The following CFAP97D2 variants were observed in gnomAD, a reference collection of about 807,000 sequenced individuals.
CFAP97D2 encodes the protein uncharacterized protein CFAP97D2.
At position 114,211,682 on chromosome 13, in the gene CFAP97D2, G is replaced by A. The variant is rs928808142; in HGVS notation, c.291-230G>A. ...TGCTCACCCTGAAAACGCCCCTCCC[G>A]CCGTGCAAAGCGAGCGCGCCGGGGC... On this transcript the variant is annotated intron_variant, in intron 3 of 4. Transcript: ENST00000646158. The surrounding 1 kb of genome is among the most constrained non-coding windows in gnomAD (Gnocchi z 4.2). Among the ~76,000 whole-genome samples the A allele has an allele frequency of 3.9e-5, 6 of 152,158 alleles. No individual in the cohort carries two copies. Among genetic ancestry groups the A allele is most frequent in the Admixed American group, 1.3e-4 (2 of 15,278 alleles).
chr13:114,191,215 T>C (rs1411640921), intron 1 of CFAP97D2, among the ~76,000 whole-genome samples: 3 of 151,608 alleles, frequency 2.0e-5, no homozygotes, highest in Non-Finnish European at 2.9e-5. Context: ...TGGCAAGAAA[T>C]AGGTTTTTAG....
chr13:114,215,906 G>C (rs1265375426), intron 4 of CFAP97D2: 1 of 152,200 alleles, frequency 6.6e-6, no homozygotes, highest in African/African-American at 2.4e-5. Context: ...CTGTGGGCTG[G>C]GCTCAGGTAG....
At chr13:114,182,471 C>T (rs539529798) in intron 1 of CFAP97D2, among the ~76,000 whole-genome samples, 98 of 151,804 alleles carry the variant, frequency 6.5e-4, no homozygotes, top group Non-Finnish European at 1.1e-3. Context: ...TACTAATCCA[C>T]CTCAGCACAG....
chr13:114,191,227 C>A (rs1324204881), intron 1 of CFAP97D2, among the ~76,000 whole-genome samples: 1 of 151,928 alleles, frequency 6.6e-6, no homozygotes, highest in Non-Finnish European at 1.5e-5. Context: ...GGTTTTTAGA[C>A]ACAATGCCAA....
intron 4 of CFAP97D2, among the ~76,000 whole-genome samples, chr13:114,218,066 G>T (rs2081003868): frequency 6.6e-6 from 1 of 152,140 alleles, no homozygotes; most frequent in African/African-American, 2.4e-5. Flanking sequence ...TATTCAATTA[G>T]GAAAAGAGGA....
rs1185505017 is a variant in CFAP97D2, at chr13:114,187,601, A to G, written c.90+8181A>G. On this transcript the variant is annotated intron_variant, in intron 1 of 4. Transcript: ENST00000646158. The surrounding 1 kb of genome is among the most constrained non-coding windows in gnomAD (Gnocchi z 4.2). ...CAAGCACCTAACAATAGAATATCAA[A>G]CTACTTGAGATACTACAAGAAAAAA... Among the ~76,000 whole-genome samples the G allele has an allele frequency of 1.3e-5, 2 of 152,176 alleles. No individual in the cohort carries two copies. Among genetic ancestry groups the G allele is most frequent in the East Asian group, 3.9e-4 (2 of 5,194 alleles).
intron 3 of CFAP97D2, among the ~76,000 whole-genome samples, chr13:114,210,480 T>G (rs1479159247): frequency 6.6e-6 from 1 of 152,210 alleles, no homozygotes; most frequent in East Asian, 1.9e-4. Context: ...GCTTTTAACA[T>G]TAGCATCCTT....
Position 114,200,457 on chromosome 13 carries a change from T to A in CFAP97D2, c.290+14T>A, listed in dbSNP as rs1386333878. ...CAAGCACAGGAGGTAAGGGAGCGGC[T>A]CCTGCCATCCCACCCGGCTCAGCAC... On this transcript the variant is annotated intron_variant, in intron 3 of 4. Transcript: ENST00000646158. The A allele has an allele frequency of 2.5e-6, 1 of 398,438 alleles. No individual in the cohort carries two copies. The highest frequency in any genetic ancestry group is 4.4e-6 in the Non-Finnish European group (1 of 226,066). 24.7% of individuals were successfully genotyped at this position (398,438 alleles called of 1,614,324 possible). A position where few individuals can be genotyped will look rare whatever the true frequency, so the allele number is the denominator to read the frequency against.
In CFAP97D2 at chr13:114,206,208, T is replaced by G. The variant is rs184721958; in HGVS notation, c.291-5704T>G. On this transcript the variant is annotated intron_variant, in intron 3 of 4. Transcript: ENST00000646158. ...AACCTCCACCTCCCAGTTCAAGTGA[T>G]TCTCCTGCCTCAGCCTCCCGAGTAG... 2.8e-3 allele frequency among the ~76,000 whole-genome samples: 432 copies of G among 152,036 alleles called. 19 individuals are homozygous for G. The South Asian group carries it at 0.073, about 26-fold the overall frequency.
rs930511048 is a variant in CFAP97D2, at chr13:114,207,146, G to A, written c.291-4766G>A. Among the ~76,000 whole-genome samples the A allele has an allele frequency of 2.0e-5, 3 of 152,204 alleles. No individual in the cohort carries two copies. Among genetic ancestry groups the A allele is most frequent in the African/African-American group, 7.2e-5 (3 of 41,456 alleles). ...TGGGCAAGGCACAAGCTCAGCCTGA[G>A]CCCCATCTGCTCCCCTGCCGCTGCA... On this transcript the variant is annotated intron_variant, in intron 3 of 4. Transcript: ENST00000646158. The surrounding 1 kb of genome is among the most constrained non-coding windows in gnomAD (Gnocchi z 4.9).
At chr13:114,222,609 G>T, downstream of CFAP97D2, 2 of 398,264 alleles carry the variant, frequency 5.0e-6, no homozygotes, top group South Asian at 2.6e-4. This position sits in a 1 kb window ranked among gnomAD's most constrained non-coding sequence, Gnocchi z 4.4. Context: ...AGTGTGATGA[G>T]GGAGTCACAA....
upstream of CFAP97D2, chr13:114,179,316 G>A (rs1419045002): frequency 5.0e-6 from 2 of 398,758 alleles, no homozygotes; most frequent in Non-Finnish European, 4.4e-6. The surrounding 1 kb of genome is among the most constrained non-coding windows in gnomAD (Gnocchi z 4.8). Context: ...TGAGCAAGAC[G>A]ATTTTGTTGC....
rs2080926425 is a variant in CFAP97D2, at chr13:114,203,249, A to G, written c.290+2806A>G. Reference sequence around the variant, plus strand: ...CAGAATACAAGATCAATACACAAAAATCAATTGTGTTTTTATATACTTGCA... The same window carrying G: ...CAGAATACAAGATCAATACACAAAAGTCAATTGTGTTTTTATATACTTGCA... On this transcript the variant is annotated intron_variant, in intron 3 of 4. Transcript: ENST00000646158. This position sits in a 1 kb window ranked among gnomAD's most constrained non-coding sequence, Gnocchi z 4.3. Among the ~76,000 whole-genome samples, 1 of 152,218 alleles carries G rather than the reference A, an allele frequency of 6.6e-6. No individual in the cohort carries two copies. The highest frequency in any genetic ancestry group is 6.5e-5 in the Admixed American group (1 of 15,284).
chr13:114,202,066 G>A (rs1321321544), intron 3 of CFAP97D2, among the ~76,000 whole-genome samples: 1 of 152,180 alleles, frequency 6.6e-6, no homozygotes, highest in African/African-American at 2.4e-5. Context: ...TTCCCTATGG[G>A]TGCCTTTGCA....
intron 4 of CFAP97D2, among the ~76,000 whole-genome samples, chr13:114,220,562 A>G (rs2081016924): frequency 6.6e-6 from 1 of 152,186 alleles, no homozygotes; most frequent in Non-Finnish European, 1.5e-5. Flanking sequence ...ACCTGTTTCT[A>G]CTGAAGGATT....
intron 1 of CFAP97D2, among the ~76,000 whole-genome samples, chr13:114,181,212 C>T (rs932326638): frequency 2.0e-5 from 3 of 152,200 alleles, no homozygotes; most frequent in Non-Finnish European, 4.4e-5. Flanking sequence ...CTGGAAGTCA[C>T]ATATCGTAAG....
At chr13:114,181,868 C>T (rs927515638) in intron 1 of CFAP97D2, among the ~76,000 whole-genome samples, 7 of 152,106 alleles carry the variant, frequency 4.6e-5, no homozygotes, top group South Asian at 2.1e-4. Context: ...CTGCCCCCAG[C>T]GCTCCCCAAC....
intron 1 of CFAP97D2, among the ~76,000 whole-genome samples, chr13:114,184,389 C>G (rs2080847651): frequency 6.6e-6 from 1 of 152,174 alleles, no homozygotes; most frequent in Non-Finnish European, 1.5e-5. Context: ...CCAAGAGGTT[C>G]AAAGAATGCC....
Position 114,186,923 on chromosome 13 carries a change from T to C in CFAP97D2, c.90+7503T>C, listed in dbSNP as rs2080854822. The stretch of plus-strand genomic sequence containing the variant: ...GCTGAGCACAGCCTGCCAGTCCAAG[T>C]GGGCCCAGTGGGCCCGAGCAAAATT... On this transcript the variant is annotated intron_variant, in intron 1 of 4. Transcript: ENST00000646158. This position sits in a 1 kb window ranked among gnomAD's most constrained non-coding sequence, Gnocchi z 4.3. Among the ~76,000 whole-genome samples the C allele has an allele frequency of 6.6e-6, 1 of 152,212 alleles. No homozygotes were observed. Among genetic ancestry groups the C allele is most frequent in the Non-Finnish European group, 1.5e-5 (1 of 68,034 alleles).
Sources: gnomAD v4.1 joint callset for allele counts (sites outside exome capture counted in the v4.1 genomes callset) on GRCh38, gnomAD v4.1.1 for gene constraint, Gnocchi (gnomAD v3.1) non-coding constraint, MANE v1.5 for transcripts, NCBI Gene and HGNC (gene_info 2026-07-23, HGNC 2026-07-21) for gene names.